GALNT13: variants seen among roughly 807,000 people sequenced by gnomAD.
The protein encoded by GALNT13 is polypeptide N-acetylgalactosaminyltransferase 13, also known as UDP-GalNAc:polypeptide N-acetylgalactosaminyltransferase 13.
A neutral mutation model predicts 64.2 loss-of-function variants in GALNT13; 28 were observed. The observed-to-expected ratio is 0.44, with a 90% CI of 0.32 to 0.60. GALNT13 has a LOEUF of 0.60. Among genes scored for constraint, GALNT13 ranks in the 20% least tolerant of loss-of-function variants. The pLI is 0.05. For synonymous variants in GALNT13, 214 were observed against 224.6 expected (o/e 0.95, Z 0.42); for missense variants, 577 against 669.8 (o/e 0.86, Z 1.53).
At chr2:153,408,664 GTTTTTT>G in the GALNT13 span, among the ~76,000 whole-genome samples, 1 of 135,564 alleles carries the variant, frequency 7.4e-6, no homozygotes, top group African/African-American at 2.6e-5. Flanking sequence ...TTTTGTTTTT[GTTTTTT>G]TTTTGCTAAG....
At chr2:153,188,428 T>C in the GALNT13 span, among the ~76,000 whole-genome samples, 1 of 150,134 alleles carries the variant, frequency 6.7e-6, no homozygotes, top group Non-Finnish European at 1.5e-5. Context: ...GCAAGTCAGG[T>C]GTAATTGTAG....
chr2:153,600,538 A>G, the GALNT13 span, among the ~76,000 whole-genome samples: 45,925 of 151,744 alleles, frequency 0.3, 7,342 homozygotes, highest in South Asian at 0.43. Context: ...CTTATGCAAG[A>G]GTTCATTTTC....
chr2:154,070,430 C>T (rs967454890), intron 3 of GALNT13, among the ~76,000 whole-genome samples: 3 of 151,564 alleles, frequency 2.0e-5, no homozygotes, highest in South Asian at 2.1e-4. Context: ...TCTAAATTAG[C>T]GTAAAAAGCA....
At chr2:153,884,106 A>G (rs533922490) in intron 1 of GALNT13, among the ~76,000 whole-genome samples, 2 of 152,140 alleles carry the variant, frequency 1.3e-5, no homozygotes, top group South Asian at 4.1e-4. Context: ...TATAGTTAAT[A>G]TAAGAAATAG....
At chr2:153,999,385 C>G (rs1345914848) in intron 3 of GALNT13, among the ~76,000 whole-genome samples, 1 of 151,162 alleles carries the variant, frequency 6.6e-6, no homozygotes, top group East Asian at 1.9e-4. Context: ...GCACCTTTGT[C>G]TTGTTCCAGA....
At chr2:153,498,854 C>CTT in the GALNT13 span, among the ~76,000 whole-genome samples, 61 of 146,880 alleles carry the variant, frequency 4.2e-4, no homozygotes, top group African/African-American at 1.5e-3. Context: ...TAAGTTCGTT[C>CTT]TTTTTTTTTT....
At chr2:153,738,551 C>T in the GALNT13 span, among the ~76,000 whole-genome samples, 2 of 151,884 alleles carry the variant, frequency 1.3e-5, no homozygotes, top group Non-Finnish European at 2.9e-5. Flanking sequence ...CTTTTTGTTT[C>T]ACTCTCTTAG....
chr2:153,295,603 A>G, the GALNT13 span, among the ~76,000 whole-genome samples: 10 of 151,936 alleles, frequency 6.6e-5, no homozygotes, highest in African/African-American at 2.4e-4. Context: ...CTGTAATTTA[A>G]GTAAGTTCCC....
At chr2:153,466,422 A>G in the GALNT13 span, among the ~76,000 whole-genome samples, 1 of 149,708 alleles carries the variant, frequency 6.7e-6, no homozygotes, top group African/African-American at 2.5e-5. Flanking sequence ...TTAATCTAAC[A>G]TAGTGTTGGA....
the GALNT13 span, among the ~76,000 whole-genome samples, chr2:153,549,332 G>A: frequency 0.01 from 1,534 of 152,278 alleles, 21 homozygotes; most frequent in African/African-American, 0.035. Context: ...TAAAGTTCCC[G>A]TATTATTTAA....
the GALNT13 span, among the ~76,000 whole-genome samples, chr2:153,308,438 C>T: frequency 6.6e-6 from 1 of 152,100 alleles, no homozygotes; most frequent in East Asian, 1.9e-4. Flanking sequence ...AAGTCTGTAT[C>T]GACAGAACCA....
chr2:153,702,302 A>C, the GALNT13 span, among the ~76,000 whole-genome samples: 1 of 152,122 alleles, frequency 6.6e-6, no homozygotes, highest in African/African-American at 2.4e-5. Flanking sequence ...CAATGAGAAC[A>C]CATGAACCCA....
chr2:154,005,145 T>G (rs1402013502), intron 3 of GALNT13, among the ~76,000 whole-genome samples: 2 of 152,202 alleles, frequency 1.3e-5, no homozygotes, highest in Non-Finnish European at 2.9e-5. Context: ...TTTCAGCTAA[T>G]TGAATGTAAA....
At chr2:153,244,948 G>T in the GALNT13 span, among the ~76,000 whole-genome samples, 1 of 152,224 alleles carries the variant, frequency 6.6e-6, no homozygotes, top group Admixed American at 6.5e-5. Flanking sequence ...GTGGGGATGG[G>T]CATCCACCAT....
At chr2:153,933,321 T>C (rs1690665046) in intron 2 of GALNT13, among the ~76,000 whole-genome samples, 1 of 152,106 alleles carries the variant, frequency 6.6e-6, no homozygotes, top group South Asian at 2.1e-4. Context: ...TATAATATTC[T>C]TCTTTTGTCT....
At chr2:154,272,421 A>G (rs1234575507) in intron 8 of GALNT13, among the ~76,000 whole-genome samples, 3 of 152,082 alleles carry the variant, frequency 2.0e-5, no homozygotes, top group Non-Finnish European at 4.4e-5. Flanking sequence ...AATGTCTAAA[A>G]TGTCAACTTT....
chr2:154,359,258 G>A (rs931059202), intron 9 of GALNT13, among the ~76,000 whole-genome samples: 2 of 151,988 alleles, frequency 1.3e-5, no homozygotes, highest in South Asian at 2.1e-4. Flanking sequence ...GAGCATCAGC[G>A]GGACAAGTCC....
chr2:153,700,082 G>A, the GALNT13 span, among the ~76,000 whole-genome samples: 1 of 152,012 alleles, frequency 6.6e-6, no homozygotes, highest in Non-Finnish European at 1.5e-5. Context: ...GGATACCAAC[G>A]CAAAAATCCT....
chr2:153,544,311 A>G, the GALNT13 span, among the ~76,000 whole-genome samples: 1,709 of 152,286 alleles, frequency 0.011, 32 homozygotes, highest in African/African-American at 0.039. Flanking sequence ...AAATAATTCT[A>G]TCCAGTGGCC....
Sources: allele counts gnomAD v4.1 joint callset (sites outside exome capture counted in the v4.1 genomes callset), GRCh38; gene constraint gnomAD v4.1.1; transcripts MANE v1.5; gene names NCBI Gene and HGNC (gene_info 2026-07-23, HGNC 2026-07-21).